The following MUSK variants were observed in gnomAD, a reference collection of about 807,000 sequenced individuals.
The protein encoded by MUSK is muscle, skeletal receptor tyrosine-protein kinase.
In MUSK, 55 loss-of-function variants were observed where a neutral mutation model predicts 88.7. The observed-to-expected ratio is 0.62, with a 90% CI of 0.50 to 0.78. The LOEUF is 0.78. Among genes scored for constraint, MUSK ranks in the 30% least tolerant of loss-of-function variants. The pLI, the probability that MUSK is intolerant of heterozygous loss-of-function variation, is 0.00. For missense variants in MUSK, 1,015 were observed against 1,074.3 expected (o/e 0.94, Z 0.77); for synonymous variants, 387 against 391.9 (o/e 0.99, Z 0.15).
rs1491119330 is a variant in MUSK at position 110,681,014 on chromosome 9, A to AT, written c.80-1660_80-1659insT. Among the ~76,000 whole-genome samples the AT allele has an allele frequency of 4.5e-4, 14 of 30,958 alleles. 1 individual carries two copies. The highest frequency in any genetic ancestry group is 3.7e-3 in the African/African-American group (14 of 3,828). The allele number at this position is 30,958 out of a possible 152,430, so 20.3% of individuals were successfully genotyped here. A position where few individuals can be genotyped will look rare whatever the true frequency, so the allele number is the denominator to read the frequency against. On this transcript the variant is annotated intron_variant, in intron 1 of 14. Transcript: ENST00000374448. ...CCTTATAATATATTATATTATATAT[A>AT]ATATATATTATATATTATATATTAT...
chr9:110,737,894 TA>T (rs1169306789), intron 6 of MUSK, among the ~76,000 whole-genome samples: 11 of 152,144 alleles, frequency 7.2e-5, no homozygotes, highest in African/African-American at 1.9e-4. Flanking sequence ...TTGTCAACTA[TA>T]GGAACCCACA....
intron 4 of MUSK, among the ~76,000 whole-genome samples, chr9:110,696,538 C>T (rs576119016): frequency 3.4e-4 from 52 of 151,998 alleles, no homozygotes; most frequent in Non-Finnish European, 5.6e-4. Context: ...ATAAATATTG[C>T]TAATTTTTAA....
chr9:110,699,623 G>GT (rs112767034), intron 5 of MUSK, among the ~76,000 whole-genome samples: 129 of 151,464 alleles, frequency 8.5e-4, no homozygotes, highest in African/African-American at 2.6e-3. Flanking sequence ...CTCAGAACAA[G>GT]TTTTTTTTTA....
chr9:110,806,381 A>G lies in MUSK; in HGVS notation c.*5393A>G, dbSNP rs1465513181. ...CCTCCATCACTTCTCCCTGCTCTCTACTCTCACAATCAGTCAACTATACAC... is the reference window on the plus strand; with the variant it reads ...CCTCCATCACTTCTCCCTGCTCTCTGCTCTCACAATCAGTCAACTATACAC... On this transcript the variant is annotated 3_prime_UTR_variant, in exon 15 of 15. Transcript: ENST00000374448. Among the ~76,000 whole-genome samples, 5 of 152,068 alleles carry G rather than the reference A, an allele frequency of 3.3e-5. No homozygotes were observed. Among genetic ancestry groups the G allele is most frequent in the African/African-American group, 9.7e-5 (4 of 41,406 alleles).
chr9:110,781,249 G>T (rs1036426271), intron 11 of MUSK, among the ~76,000 whole-genome samples: 3 of 131,236 alleles, frequency 2.3e-5, no homozygotes, highest in Non-Finnish European at 3.3e-5. Flanking sequence ...ACACGTTTGT[G>T]TGTGTTTTTT....
At chr9:110,698,446 A>T (rs954522500) in intron 5 of MUSK, among the ~76,000 whole-genome samples, 1 of 152,198 alleles carries the variant, frequency 6.6e-6, no homozygotes, top group Non-Finnish European at 1.5e-5. Flanking sequence ...AAAAGACTTG[A>T]AGAGTTCTCC....
chr9:110,778,468 G>A (rs1197461524), intron 11 of MUSK, among the ~76,000 whole-genome samples: 1 of 151,874 alleles, frequency 6.6e-6, no homozygotes, highest in Non-Finnish European at 1.5e-5. Flanking sequence ...TTCCATCTTT[G>A]CTCTTTCTAT....
At chr9:110,673,931 C>T (rs2075992330) in intron 1 of MUSK, among the ~76,000 whole-genome samples, 1 of 152,098 alleles carries the variant, frequency 6.6e-6, no homozygotes, top group African/African-American at 2.4e-5. Context: ...TCCTTATTAA[C>T]ATTGTGCTGC....
intron 5 of MUSK, among the ~76,000 whole-genome samples, chr9:110,703,368 C>G (rs1276760385): frequency 1.3e-5 from 2 of 151,852 alleles, no homozygotes; most frequent in Admixed American, 1.3e-4. Flanking sequence ...GAAACCCTGT[C>G]TCTATACAAA....
intron 5 of MUSK, among the ~76,000 whole-genome samples, chr9:110,717,355 T>A (rs1016402486): frequency 6.7e-6 from 1 of 149,892 alleles, no homozygotes; most frequent in African/African-American, 2.5e-5. Context: ...TCTAACAGTT[T>A]AAGATCATGT....
chr9:110,754,068 T>C (rs776312043), intron 7 of MUSK, among the ~76,000 whole-genome samples: 20 of 152,210 alleles, frequency 1.3e-4, no homozygotes, highest in Non-Finnish European at 2.5e-4. Context: ...AAGAGTGTTC[T>C]TATCAACAAA....
At chr9:110,690,139 G>GTATAAATATATAAAT (rs1258615022) in intron 3 of MUSK, among the ~76,000 whole-genome samples, 4 of 59,160 alleles carry the variant, frequency 6.8e-5, no homozygotes, top group Non-Finnish European at 1.1e-4. Context: ...TATAAATATA[G>GTATAAATATATAAAT]AAATATATAT....
chr9:110,723,154 G>T (rs561991874), intron 5 of MUSK, among the ~76,000 whole-genome samples: 1 of 151,370 alleles, frequency 6.6e-6, no homozygotes, highest in Non-Finnish European at 1.5e-5. Context: ...TCAACCAGTG[G>T]ATAAAGAAAA....
At chr9:110,776,530 A>T in intron 10 of MUSK, 102 bp from the exon 11 acceptor site, 1 of 933,200 alleles carries the variant, frequency 1.1e-6, no homozygotes, top group Non-Finnish European at 1.7e-6. Context: ...GTATATTAAA[A>T]AGCTGAGAGA....
At chr9:110,721,711 G>C (rs10733579) in intron 5 of MUSK, among the ~76,000 whole-genome samples, 106,872 of 152,000 alleles carry the variant, frequency 0.7, 37,918 homozygotes, top group East Asian at 0.85. Flanking sequence ...GAAATACCAC[G>C]ATTACTCTTT....
At chr9:110,714,660 T>C (rs2076722669) in intron 5 of MUSK, among the ~76,000 whole-genome samples, 1 of 152,194 alleles carries the variant, frequency 6.6e-6, no homozygotes, top group Admixed American at 6.5e-5. Context: ...TCATTATTGC[T>C]AGGTTTTCTT....
At chr9:110,707,017 G>GAGAGAGAGAGAAACAAATAA (rs1381038762) in intron 5 of MUSK, among the ~76,000 whole-genome samples, 1 of 143,768 alleles carries the variant, frequency 7.0e-6, no homozygotes, top group African/African-American at 2.6e-5. Context: ...AAAATAGAGA[G>GAGAGAGAGAGAAACAAATAA]AGAGAGAGAG....
In MUSK at chr9:110,803,791, T is replaced by C. The variant is rs1242336568; in HGVS notation, c.*2803T>C. Among the ~76,000 whole-genome samples, 3 of 152,200 alleles carry C rather than the reference T, an allele frequency of 2.0e-5. No homozygotes were observed. The highest frequency in any genetic ancestry group is 3.9e-4 in the East Asian group (2 of 5,194). On this transcript the variant is annotated 3_prime_UTR_variant, in exon 15 of 15. Transcript: ENST00000374448. ...TCTAATGTTCTGAATCACAGGAGTA[T>C]AGATGCATTATTCACCAATATTGTT...
At chr9:110,755,575 A>G (rs1354096884) in intron 7 of MUSK, among the ~76,000 whole-genome samples, 1 of 152,100 alleles carries the variant, frequency 6.6e-6, no homozygotes, top group East Asian at 1.9e-4. Context: ...TTTCCAGGTA[A>G]TGTTTAGAGA....
Sources: allele counts gnomAD v4.1 joint callset (sites outside exome capture counted in the v4.1 genomes callset), GRCh38; gene constraint gnomAD v4.1.1; transcripts MANE v1.5; gene names NCBI Gene and HGNC (gene_info 2026-07-23, HGNC 2026-07-21).